The following BBS9 variants were observed in gnomAD, a reference collection of about 807,000 sequenced individuals.
BBS9 encodes the protein protein PTHB1.
In BBS9, 89 loss-of-function variants were observed where a neutral mutation model predicts 117.7. That is an observed-to-expected ratio of 0.76 (90% CI 0.64 to 0.90). The LOEUF is 0.90. BBS9 is among the 40% of genes least tolerant of loss of function. The probability of loss-of-function intolerance (pLI) is 0.00; values close to 1 mark genes in which losing one functional copy is unlikely to be tolerated. For synonymous variants in BBS9, 379 were observed against 370.9 expected (o/e 1.02, Z -0.25); for missense variants, 982 against 1,042.2 (o/e 0.94, Z 0.80).
At chr7:33,197,262 C>T (rs1785098716) in intron 5 of BBS9, among the ~76,000 whole-genome samples, 2 of 152,042 alleles carry the variant, frequency 1.3e-5, no homozygotes, top group South Asian at 2.1e-4. Flanking sequence ...TATAGTTCAT[C>T]GTGGTCTCTT....
intron 19 of BBS9, among the ~76,000 whole-genome samples, chr7:33,488,551 TTC>T (rs1843426807): frequency 1.3e-5 from 2 of 152,200 alleles, no homozygotes; most frequent in African/African-American, 4.8e-5. Flanking sequence ...CTTAGAACTT[TTC>T]TGTTTCCTTA....
At chr7:33,355,494 C>T (rs1357838464) in intron 15 of BBS9, among the ~76,000 whole-genome samples, 1 of 151,758 alleles carries the variant, frequency 6.6e-6, no homozygotes, top group Non-Finnish European at 1.5e-5. Context: ...AATGGTAAAA[C>T]TTTTCAAGCT....
intron 5 of BBS9, among the ~76,000 whole-genome samples, chr7:33,178,736 A>G (rs1165061318): frequency 1.3e-5 from 2 of 152,162 alleles, no homozygotes; most frequent in African/African-American, 4.8e-5. Context: ...AACATGAGAA[A>G]ATGACTTCAT....
intron 6 of BBS9, among the ~76,000 whole-genome samples, chr7:33,259,480 C>CA (rs1364458667): frequency 2.0e-5 from 3 of 152,056 alleles, no homozygotes; most frequent in African/African-American, 7.2e-5. Context: ...CAATCTAATT[C>CA]AGGGGCACAC....
At position 33,399,224 on chromosome 7, in the gene BBS9, A is replaced by C. The variant is rs80191875; in HGVS notation, c.2115+11080A>C. 6.9e-3 allele frequency among the ~76,000 whole-genome samples: 1,033 copies of C among 150,414 alleles called. 7 individuals carry two copies. Among genetic ancestry groups the C allele is most frequent in the Non-Finnish European group, 0.012 (814 of 67,496 alleles). Reference sequence around the variant, plus strand: ...GTTTCTTGTGATGTCTTTTTTCTTTATTTTTTTTTCTTTCCATTAGTCTTT... The same window carrying C: ...GTTTCTTGTGATGTCTTTTTTCTTTCTTTTTTTTTCTTTCCATTAGTCTTT... On this transcript the variant is annotated intron_variant, in intron 19 of 22. Transcript: ENST00000242067.
At chr7:33,622,164 A>G (rs1865441743) in intron 21 of BBS9, among the ~76,000 whole-genome samples, 1 of 152,154 alleles carries the variant, frequency 6.6e-6, no homozygotes, top group Admixed American at 6.5e-5. Flanking sequence ...GAGCTGAGAT[A>G]GCGCCATTGC....
chr7:33,608,821 T>A (rs1864719820), downstream of BBS9, among the ~76,000 whole-genome samples: 1 of 152,178 alleles, frequency 6.6e-6, no homozygotes, highest in African/African-American at 2.4e-5. Flanking sequence ...CTTTTTACTC[T>A]GTTGATAGTG....
chr7:33,311,216 G>A (rs2128552550), intron 9 of BBS9, among the ~76,000 whole-genome samples: 1 of 152,274 alleles, frequency 6.6e-6, no homozygotes, highest in East Asian at 1.9e-4. Context: ...GGCCAGAGTG[G>A]TAGAGGGACT....
chr7:33,635,046 T>A (rs982734990), intron 21 of BBS9, among the ~76,000 whole-genome samples: 2 of 152,152 alleles, frequency 1.3e-5, no homozygotes, highest in African/African-American at 4.8e-5. Context: ...TGTCCTTCCT[T>A]TTCCCCCGGT....
intron 16 of BBS9, among the ~76,000 whole-genome samples, chr7:33,361,491 T>G (rs1457619684): frequency 1.3e-5 from 2 of 152,168 alleles, no homozygotes; most frequent in Non-Finnish European, 2.9e-5. Flanking sequence ...TTTGAAAACT[T>G]TATTCAAATA....
Position 33,201,625 on chromosome 7 carries a change from TC to T in BBS9, c.442+24036del, listed in dbSNP as rs544927774. 2.6e-4 allele frequency among the ~76,000 whole-genome samples: 40 copies of T among 152,336 alleles called. No individual in the cohort carries two copies. The South Asian group carries it at 8.3e-3, about 32-fold the overall frequency. ...ATCATTTACCTCTTCTTGTTCACTT[TC>T]CATTTTCACAGATTGTGGGTAGGCT... is the stretch of plus-strand genomic sequence containing the variant. On this transcript the variant is annotated intron_variant, in intron 5 of 22. Coordinates refer to ENST00000242067, the MANE Select transcript of BBS9 (RefSeq NM_198428.3).
chr7:33,328,619 G>A (rs1003459213), intron 9 of BBS9, among the ~76,000 whole-genome samples: 1 of 152,010 alleles, frequency 6.6e-6, no homozygotes, highest in African/African-American at 2.4e-5. Flanking sequence ...AGATTTCCTT[G>A]GTATCTATAT....
chr7:33,224,046 A>G (rs1790776942), intron 5 of BBS9, among the ~76,000 whole-genome samples: 1 of 152,278 alleles, frequency 6.6e-6, no homozygotes, highest in African/African-American at 2.4e-5. Context: ...GGTAAATATA[A>G]TATTTACTTT....
chr7:33,593,253 A>T (rs182848120), intron 21 of BBS9, among the ~76,000 whole-genome samples: 5 of 152,312 alleles, frequency 3.3e-5, no homozygotes, highest in Non-Finnish European at 7.4e-5. Flanking sequence ...AATGGCAAGG[A>T]AAAGCAAATA....
At chr7:33,293,571 A>G (rs540744073) in intron 9 of BBS9, among the ~76,000 whole-genome samples, 8 of 152,304 alleles carry the variant, frequency 5.3e-5, no homozygotes, top group South Asian at 4.1e-4. Flanking sequence ...AAGTATCAGT[A>G]CAGAAAATTT....
rs145978005 is a variant in BBS9, at chr7:33,511,778, T to G, written c.2298+6133T>G. 1.7e-3 allele frequency among the ~76,000 whole-genome samples: 266 copies of G among 152,324 alleles called. 1 individual carries two copies. The highest frequency in any genetic ancestry group is 6.1e-3 in the African/African-American group (253 of 41,568). ...GTTCATGTGAGAAAACAGATGTTTA[T>G]AATAGGAAATGCTATTGTGTGGAGG... On this transcript the variant is annotated intron_variant, in intron 20 of 22. Coordinates refer to ENST00000242067, the MANE Select transcript of BBS9 (RefSeq NM_198428.3).
At chr7:33,518,927 T>G (rs1020367193) in intron 20 of BBS9, among the ~76,000 whole-genome samples, 4 of 152,184 alleles carry the variant, frequency 2.6e-5, no homozygotes, top group African/African-American at 9.7e-5. Flanking sequence ...AGACTTGATT[T>G]CTATTTGAAG....
At chr7:33,533,119 T>A (rs1850836179) in intron 20 of BBS9, among the ~76,000 whole-genome samples, 1 of 152,178 alleles carries the variant, frequency 6.6e-6, no homozygotes, top group South Asian at 2.1e-4. Flanking sequence ...CTCCTGCTCT[T>A]TACCTCATAC....
chr7:33,236,931 A>G (rs1428654034), intron 5 of BBS9, among the ~76,000 whole-genome samples: 1 of 152,148 alleles, frequency 6.6e-6, no homozygotes, highest in Non-Finnish European at 1.5e-5. Flanking sequence ...TTAATGACGT[A>G]CAATTTGTGT....
Sources: allele counts gnomAD v4.1 joint callset (sites outside exome capture counted in the v4.1 genomes callset), GRCh38; gene constraint gnomAD v4.1.1; transcripts MANE v1.5; gene names NCBI Gene and HGNC (gene_info 2026-07-23, HGNC 2026-07-21).